FHOD3: variants seen among roughly 807,000 people sequenced by gnomAD.
FHOD3 encodes the protein formin homology 2 domain containing 3.
FHOD3 carries 90 observed loss-of-function variants against 173.0 expected under a neutral mutation model. That is an observed-to-expected ratio of 0.52 (90% confidence interval 0.44 to 0.62). FHOD3 has a LOEUF of 0.62. Among genes scored for constraint, FHOD3 ranks in the 20% least tolerant of loss-of-function variants. The probability of loss-of-function intolerance (pLI) is 0.00; values close to 1 mark genes in which losing one functional copy is unlikely to be tolerated. For missense variants in FHOD3, 1,945 were observed against 2,034.7 expected, an observed-to-expected ratio of 0.96 and a Z score of 0.85; for synonymous variants, 828 against 823.0, an observed-to-expected ratio of 1.01 and a Z score of -0.10.
intron 9 of FHOD3, among the ~76,000 whole-genome samples, chr18:36,618,225 T>A (rs373274116): frequency 1.1e-4 from 16 of 152,034 alleles, no homozygotes; most frequent in African/African-American, 3.9e-4. Context: ...TCTGGATTTT[T>A]GAGTTGAGTA....
intron 3 of FHOD3, among the ~76,000 whole-genome samples, chr18:36,442,965 G>A (rs993355069): frequency 2.6e-5 from 4 of 152,096 alleles, no homozygotes; most frequent in African/African-American, 2.4e-5. Flanking sequence ...TTGTAGAATG[G>A]CCCTCAAGCT....
At chr18:36,722,343 A>G (rs1272460893) in intron 19 of FHOD3, among the ~76,000 whole-genome samples, 1 of 152,132 alleles carries the variant, frequency 6.6e-6, no homozygotes, top group Non-Finnish European at 1.5e-5. Flanking sequence ...AGGGGCAGCA[A>G]AATCCCTCCT....
intron 1 of FHOD3, among the ~76,000 whole-genome samples, chr18:36,339,026 C>A (rs529310453): frequency 1.3e-5 from 2 of 152,232 alleles, no homozygotes; most frequent in East Asian, 3.9e-4. Flanking sequence ...TCCCCCTGCC[C>A]AGGGGAGATG....
chr18:36,778,082 T>C (rs2070191172), intron 28 of FHOD3: 1 of 152,238 alleles, frequency 6.6e-6, no homozygotes. Context: ...AGCCCTTTAT[T>C]TTCATAATAG....
chr18:36,569,527 T>C (rs2058383095), intron 5 of FHOD3, among the ~76,000 whole-genome samples: 1 of 152,128 alleles, frequency 6.6e-6, no homozygotes, highest in South Asian at 2.1e-4. Context: ...TCAATAGAAT[T>C]GACAGACTGA....
chr18:36,673,676 C>T (rs765782612), intron 14 of FHOD3, among the ~76,000 whole-genome samples: 15 of 152,006 alleles, frequency 9.9e-5, no homozygotes, highest in Non-Finnish European at 1.6e-4. Context: ...CCACACTCAG[C>T]GGGAAGGAGG....
At chr18:36,328,537 G>T (rs544710270) in intron 1 of FHOD3, among the ~76,000 whole-genome samples, 2 of 152,160 alleles carry the variant, frequency 1.3e-5, no homozygotes, top group Non-Finnish European at 2.9e-5. Context: ...CTTACTGGGG[G>T]CAGTCACAGG....
At chr18:36,621,375 A>G (rs188309629) in intron 9 of FHOD3, among the ~76,000 whole-genome samples, 3 of 152,364 alleles carry the variant, frequency 2.0e-5, no homozygotes, top group Admixed American at 6.5e-5. Flanking sequence ...TTAGTGGTGT[A>G]AAACAACAAT....
Position 36,382,325 on chromosome 18 carries a change from G to A in FHOD3, c.337+9581G>A, listed in dbSNP as rs60131423. Among the ~76,000 whole-genome samples, 811 of 152,258 alleles carry A rather than the reference G, an allele frequency of 5.3e-3. 10 individuals carry two copies. Among genetic ancestry groups the A allele is most frequent in the African/African-American group, 0.018 (763 of 41,546 alleles). ...TGCCCACCAGAGCACTTCTGTTCCC[G>A]GAACAAAGCTGGGTCTGGCTGCGTT... On this transcript the variant is annotated intron_variant, in intron 3 of 28. Transcript: ENST00000590592.
At chr18:36,306,524 C>T (rs1425224440) in intron 1 of FHOD3, among the ~76,000 whole-genome samples, 5 of 152,196 alleles carry the variant, frequency 3.3e-5, no homozygotes, top group Admixed American at 2.0e-4. Flanking sequence ...AGGCAACCAA[C>T]TTGTGTGACC....
At chr18:36,586,505 GAC>G (rs2059034788) in intron 6 of FHOD3, among the ~76,000 whole-genome samples, 1 of 147,906 alleles carries the variant, frequency 6.8e-6, no homozygotes, top group Non-Finnish European at 1.5e-5. Context: ...TTTTTTTTGA[GAC>G]AGAGTCTCAC....
intron 4 of FHOD3, among the ~76,000 whole-genome samples, chr18:36,505,689 T>C (rs2055265001): frequency 6.6e-6 from 1 of 152,210 alleles, no homozygotes; most frequent in African/African-American, 2.4e-5. Context: ...GAGAAATTCA[T>C]TGACAAGTTT....
chr18:36,552,405 A>G (rs147324721), intron 5 of FHOD3, among the ~76,000 whole-genome samples: 1,873 of 152,238 alleles, frequency 0.012, 44 homozygotes, highest in African/African-American at 0.042. Context: ...GGCTGAGACT[A>G]TCGGGTTTTC....
intron 12 of FHOD3, 28 bp from the exon 13 acceptor site, chr18:36,653,314 T>A (rs1200918527): frequency 1.3e-6 from 2 of 1,505,870 alleles, no homozygotes; most frequent in East Asian, 4.9e-5. Flanking sequence ...CGTGCCACAT[T>A]GTGAGCGGGC....
intron 3 of FHOD3, among the ~76,000 whole-genome samples, chr18:36,419,753 C>T (rs943043123): frequency 6.6e-6 from 1 of 152,264 alleles, no homozygotes; most frequent in Admixed American, 6.5e-5. Context: ...ATTCCTTGGG[C>T]CAGCATTGTC....
intron 4 of FHOD3, among the ~76,000 whole-genome samples, chr18:36,504,455 A>G (rs534793037): frequency 1.8e-4 from 28 of 152,176 alleles, no homozygotes; most frequent in Non-Finnish European, 3.5e-4. Context: ...ACCTGGATGA[A>G]ACTGGAAATC....
chr18:36,346,985 G>A (rs1027963201), intron 1 of FHOD3, among the ~76,000 whole-genome samples: 6 of 152,304 alleles, frequency 3.9e-5, no homozygotes, highest in Non-Finnish European at 8.8e-5. Context: ...AACTCATTGT[G>A]CTCCTCACTT....
chr18:36,298,194 TC>T (rs1247354135), intron 1 of FHOD3, among the ~76,000 whole-genome samples, 194 bp downstream of exon 1: 1 of 151,598 alleles, frequency 6.6e-6, no homozygotes, highest in Non-Finnish European at 1.5e-5. Flanking sequence ...CGCAGGACCC[TC>T]CGGGGCGGGC....
chr18:36,665,539 CTAATG>C (rs1244168802), intron 14 of FHOD3, among the ~76,000 whole-genome samples: 1 of 150,886 alleles, frequency 6.6e-6, no homozygotes, highest in Non-Finnish European at 1.5e-5. Flanking sequence ...AACTGAGTCA[CTAATG>C]TAAGGCAAAT....
Sources: gnomAD v4.1 joint callset for allele counts (sites outside exome capture counted in the v4.1 genomes callset) on GRCh38, gnomAD v4.1.1 for gene constraint, MANE v1.5 for transcripts, NCBI Gene and HGNC (gene_info 2026-07-23, HGNC 2026-07-21) for gene names.